The following GALNTL6 variants were observed in gnomAD, a reference collection of about 807,000 sequenced individuals.
GALNTL6 encodes the protein polypeptide N-acetylgalactosaminyltransferase like 6, also known as polypeptide N-acetylgalactosaminyltransferase-like 6.
GALNTL6 carries 46 observed loss-of-function variants against 73.7 expected under a neutral mutation model. The ratio of observed to expected loss-of-function variants is 0.62; its 90% CI spans 0.49 to 0.80. The LOEUF is 0.80. GALNTL6 is among the 30% of genes least tolerant of loss of function. The pLI, the probability that GALNTL6 is intolerant of heterozygous loss-of-function variation, is 0.00. For missense variants in GALNTL6, 604 were observed against 755.0 expected, an observed-to-expected ratio of 0.80 and a Z score of 2.34; for synonymous variants, 259 against 263.7, an observed-to-expected ratio of 0.98 and a Z score of 0.17.
intron 2 of GALNTL6, among the ~76,000 whole-genome samples, chr4:172,065,815 G>T (rs532440734): frequency 2.0e-5 from 3 of 152,190 alleles, no homozygotes; most frequent in Non-Finnish European, 2.9e-5. Flanking sequence ...TTTCACAGGG[G>T]CGCAGAAGAG....
At chr4:172,841,958 A>G (rs575762680) in intron 7 of GALNTL6, among the ~76,000 whole-genome samples, 1 of 152,352 alleles carries the variant, frequency 6.6e-6, no homozygotes, top group South Asian at 2.1e-4. Context: ...CTGAGCCCGT[A>G]TCACATGCTG....
At chr4:172,999,351 C>T (rs1751939966) in intron 10 of GALNTL6, among the ~76,000 whole-genome samples, 1 of 152,038 alleles carries the variant, frequency 6.6e-6, no homozygotes, top group Non-Finnish European at 1.5e-5. Flanking sequence ...TGCGCACTCA[C>T]ACACACACAC....
intron 2 of GALNTL6, among the ~76,000 whole-genome samples, chr4:172,129,046 T>G (rs193122292): frequency 6.6e-6 from 1 of 152,336 alleles, no homozygotes; most frequent in Admixed American, 6.5e-5. Context: ...TAGCTTAATT[T>G]AAGTTCACAT....
At chr4:172,339,260 CA>C (rs1561034018) in intron 4 of GALNTL6, among the ~76,000 whole-genome samples, 1 of 12,634 alleles carries the variant, frequency 7.9e-5, no homozygotes, top group Non-Finnish European at 3.5e-4. Flanking sequence ...ACACACACCA[CA>C]CACACACACA....
chr4:172,793,849 T>A (rs1740123224), intron 5 of GALNTL6, among the ~76,000 whole-genome samples: 1 of 152,208 alleles, frequency 6.6e-6, no homozygotes, highest in Non-Finnish European at 1.5e-5. Flanking sequence ...GCAACAATGA[T>A]CTATATTTTT....
intron 7 of GALNTL6, among the ~76,000 whole-genome samples, chr4:172,865,360 C>A (rs531516248): frequency 1.6e-4 from 24 of 152,318 alleles, no homozygotes; most frequent in African/African-American, 5.5e-4. Flanking sequence ...CACCACAAGA[C>A]TACAGTCCTG....
At chr4:172,105,714 C>T (rs10520216) in intron 2 of GALNTL6, among the ~76,000 whole-genome samples, 6,623 of 152,042 alleles carry the variant, frequency 0.044, 227 homozygotes, top group Non-Finnish European at 0.068. Flanking sequence ...AACTAAAGAA[C>T]TGTCAACTAT....
intron 2 of GALNTL6, among the ~76,000 whole-genome samples, chr4:172,108,110 T>C (rs1400846171): frequency 6.6e-6 from 1 of 152,220 alleles, no homozygotes; most frequent in Non-Finnish European, 1.5e-5. Flanking sequence ...GGGTATGTGT[T>C]TGAAATAGTA....
At chr4:172,234,381 T>C (rs968985438) in intron 3 of GALNTL6, among the ~76,000 whole-genome samples, 5 of 152,148 alleles carry the variant, frequency 3.3e-5, no homozygotes, top group African/African-American at 1.2e-4. Context: ...TATCTGCCTG[T>C]CTATTGTTAG....
At chr4:171,860,196 T>G (rs1735797364) in intron 2 of GALNTL6, among the ~76,000 whole-genome samples, 1 of 152,202 alleles carries the variant, frequency 6.6e-6, no homozygotes, top group Non-Finnish European at 1.5e-5. Flanking sequence ...GGTTTTTTTC[T>G]CAACAAATAC....
intron 5 of GALNTL6, among the ~76,000 whole-genome samples, chr4:172,418,303 A>G (rs1213270943): frequency 6.6e-6 from 1 of 152,196 alleles, no homozygotes; most frequent in Non-Finnish European, 1.5e-5. Flanking sequence ...TCATTGAAGA[A>G]TAGTGTACTT....
intron 7 of GALNTL6, among the ~76,000 whole-genome samples, chr4:172,828,090 G>C (rs1560979369): frequency 6.6e-6 from 1 of 151,678 alleles, no homozygotes; most frequent in Non-Finnish European, 1.5e-5. Context: ...TGGCCAACAT[G>C]GTGAAACCCC....
intron 2 of GALNTL6, among the ~76,000 whole-genome samples, chr4:172,123,822 G>A (rs1733219767): frequency 1.3e-5 from 2 of 152,064 alleles, no homozygotes; most frequent in Admixed American, 1.3e-4. Flanking sequence ...ATCTTCATCA[G>A]TTAATTAATC....
chr4:172,452,757 G>A (rs747018716), intron 5 of GALNTL6, among the ~76,000 whole-genome samples: 1 of 152,158 alleles, frequency 6.6e-6, no homozygotes, highest in Admixed American at 6.5e-5. Flanking sequence ...AATTCCTGAT[G>A]TGTTAGTACA....
At chr4:172,105,475 C>T (rs967529273) in intron 2 of GALNTL6, among the ~76,000 whole-genome samples, 1 of 151,456 alleles carries the variant, frequency 6.6e-6, no homozygotes, top group Non-Finnish European at 1.5e-5. Context: ...GAAACTGATA[C>T]GCTCTCATAT....
At position 173,024,634 on chromosome 4, in the gene GALNTL6, G is replaced by T. The variant is rs1457114823; in HGVS notation, c.1638+3009G>T. Among the ~76,000 whole-genome samples the T allele has an allele frequency of 2.6e-5, 4 of 152,038 alleles. No individual in the cohort carries two copies. In the South Asian group the frequency reaches 6.2e-4, roughly 24 times the overall value. On this transcript the variant is annotated intron_variant, in intron 12 of 12. Transcript: ENST00000506823. ...TTTTGCTCTTGTTGCCCAGGCTGGGGTCAATGGCGTGATCTCGGCTCACTG... is the reference window on the plus strand; with the variant it reads ...TTTTGCTCTTGTTGCCCAGGCTGGGTTCAATGGCGTGATCTCGGCTCACTG...
intron 5 of GALNTL6, among the ~76,000 whole-genome samples, chr4:172,552,847 A>AAAAAAAAC (rs1270830729): frequency 6.7e-6 from 1 of 150,244 alleles, no homozygotes; most frequent in African/African-American, 2.4e-5. Flanking sequence ...TAAAAAAAAA[A>AAAAAAAAC]AAAAAAAAAA....
intron 10 of GALNTL6, among the ~76,000 whole-genome samples, chr4:172,985,628 A>G (rs1751257781): frequency 6.6e-6 from 1 of 152,114 alleles, no homozygotes; most frequent in South Asian, 2.1e-4. Context: ...TTTTAAAGAT[A>G]TTTTGGTAGT....
At chr4:172,238,724 A>G (rs1277310215) in intron 3 of GALNTL6, among the ~76,000 whole-genome samples, 3 of 151,996 alleles carry the variant, frequency 2.0e-5, no homozygotes, top group Non-Finnish European at 2.9e-5. Flanking sequence ...TCTGTATGAT[A>G]TTGGTTATGG....
Sources: gnomAD v4.1 joint callset for allele counts (sites outside exome capture counted in the v4.1 genomes callset) on GRCh38, gnomAD v4.1.1 for gene constraint, MANE v1.5 for transcripts, NCBI Gene and HGNC (gene_info 2026-07-23, HGNC 2026-07-21) for gene names.